Variants in ETF1 observed in about 807,000 individuals in gnomAD.
The protein encoded by ETF1 is eukaryotic peptide chain release factor subunit 1.
In ETF1, 4 loss-of-function variants were observed where a neutral mutation model predicts 55.1. That is an observed-to-expected ratio of 0.07 (90% CI 0.04 to 0.17). The LOEUF (loss-of-function observed/expected upper bound fraction) is 0.17, where lower values mean the gene tolerates loss of function less well. Among genes scored for constraint, ETF1 ranks in the 10% least tolerant of loss-of-function variants. The pLI is 1.00. For missense variants in ETF1, 142 were observed against 523.6 expected, an observed-to-expected ratio of 0.27 and a Z score of 7.11; for synonymous variants, 157 against 182.3, an observed-to-expected ratio of 0.86 and a Z score of 1.12.
At chr5:138,535,216 C>T (rs1366117063) in intron 2 of ETF1, among the ~76,000 whole-genome samples, 1 of 151,994 alleles carries the variant, frequency 6.6e-6, no homozygotes, top group Non-Finnish European at 1.5e-5. Flanking sequence ...TCCCAAAGTA[C>T]TGGGATTACA....
At chr5:138,510,686 A>G in intron 8 of ETF1, 57 bp from the exon 9 acceptor site, 3 of 1,596,946 alleles carry the variant, frequency 1.9e-6, no homozygotes, top group Non-Finnish European at 1.7e-6. Context: ...TAATCTGTGT[A>G]AGCTCCATAA....
At chr5:138,533,087 G>A (rs939728498) in intron 2 of ETF1, among the ~76,000 whole-genome samples, 4 of 151,826 alleles carry the variant, frequency 2.6e-5, no homozygotes, top group African/African-American at 7.3e-5. Context: ...TTACAGACAC[G>A]GACCACCACG....
rs1239574003 is a variant in ETF1, at chr5:138,509,836, AGT to A, written c.1083+727_1083+728del. On this transcript the variant is annotated intron_variant, in intron 9 of 10. Coordinates refer to ENST00000360541, the MANE Select transcript of ETF1 (RefSeq NM_004730.4). ...CTTGAACTCGGGAGGTGGAGGTTGC[AGT>A]GAGCCGAGATCACACCACTGCACTC... is the stretch of plus-strand genomic sequence containing the variant. Among the ~76,000 whole-genome samples the A allele has an allele frequency of 2.1e-5, 3 of 141,170 alleles. No homozygotes were observed. In the Admixed American group the frequency reaches 2.3e-4, roughly 11 times the overall value. 92.6% of individuals were successfully genotyped at this position (141,170 alleles called of 152,430 possible).
chr5:138,531,696 T>C lies in ETF1; in HGVS notation c.86+11137A>G, dbSNP rs1018404638. Reference sequence around the variant, plus strand: ...GCCTAGGCTATGGATGGCCAAATTTTTCACCACTTCCCTTTTCAAGCTCCC... The same window carrying C: ...GCCTAGGCTATGGATGGCCAAATTTCTCACCACTTCCCTTTTCAAGCTCCC... On this transcript the variant is annotated intron_variant, in intron 2 of 10. Transcript: ENST00000360541. Among the ~76,000 whole-genome samples, 5 of 152,182 alleles carry C rather than the reference T, an allele frequency of 3.3e-5. No individual in the cohort carries two copies. In the East Asian group the frequency reaches 9.6e-4, roughly 29 times the overall value.
intron 2 of ETF1, among the ~76,000 whole-genome samples, chr5:138,540,309 C>T (rs1421662011): frequency 6.6e-6 from 1 of 152,162 alleles, no homozygotes; most frequent in Non-Finnish European, 1.5e-5. Flanking sequence ...ATAACCATGC[C>T]TGAAAACCTC....
chr5:138,512,259 T>TATA lies in ETF1; in HGVS notation c.732+504_732+505insTAT, dbSNP rs57032066. 8.6e-3 allele frequency among the ~76,000 whole-genome samples: 136 copies of TATA among 15,746 alleles called. 1 individual carries two copies. Among genetic ancestry groups the TATA allele is most frequent in the South Asian group, 0.039 (7 of 180 alleles). The allele number at this position is 15,746 out of a possible 152,430, so 10.3% of individuals were successfully genotyped here. ...ATATATATATATATATATATATATA[T>TATA]TTTTTTTTTTTTTTAAAGGCAATTT... On this transcript the variant is annotated intron_variant, in intron 6 of 10. Coordinates refer to ENST00000360541, the MANE Select transcript of ETF1 (RefSeq NM_004730.4).
At chr5:138,531,128 T>A (rs534316886) in intron 2 of ETF1, among the ~76,000 whole-genome samples, 45 of 152,346 alleles carry the variant, frequency 3.0e-4, no homozygotes, top group Admixed American at 2.4e-3. Flanking sequence ...TGTGTTTAGG[T>A]TATGAGGGCT....
chr5:138,532,190 T>C (rs1232338457), intron 2 of ETF1, among the ~76,000 whole-genome samples: 1 of 151,930 alleles, frequency 6.6e-6, no homozygotes, highest in Non-Finnish European at 1.5e-5. Flanking sequence ...AAAACTGTCA[T>C]TGTTTTATTC....
chr5:138,511,362 C>A, intron 7 of ETF1, 113 bp downstream of exon 7: 1 of 1,507,160 alleles, frequency 6.6e-7, no homozygotes, highest in Non-Finnish European at 8.9e-7. Context: ...TTTTTGGTAC[C>A]TTGTCTCATA....
chr5:138,542,540 C>G, intron 2 of ETF1: 5 of 1,103,822 alleles, frequency 4.5e-6, no homozygotes, highest in Non-Finnish European at 6.0e-6. Flanking sequence ...AGAGGGAGGA[C>G]CTGGACTTAA....
chr5:138,541,613 A>C (rs1680053458), intron 2 of ETF1: 1 of 1,529,564 alleles, frequency 6.5e-7, no homozygotes, highest in Admixed American at 2.0e-5. Context: ...AAAATTGCAA[A>C]TCTACCCATA....
chr5:138,529,294 CCA>C (rs1451521678), intron 2 of ETF1, among the ~76,000 whole-genome samples: 2 of 152,118 alleles, frequency 1.3e-5, no homozygotes, highest in Admixed American at 1.3e-4. Flanking sequence ...GTGTAAACAC[CCA>C]AAATAAAATT....
intron 2 of ETF1, among the ~76,000 whole-genome samples, chr5:138,520,077 A>G (rs1203674578): frequency 6.9e-6 from 1 of 144,314 alleles, no homozygotes; most frequent in African/African-American, 2.6e-5. Context: ...CTAGCAAAAG[A>G]AAAGAACTAA....
At chr5:138,536,986 T>C (rs940498913) in intron 2 of ETF1, among the ~76,000 whole-genome samples, 14 of 152,134 alleles carry the variant, frequency 9.2e-5, no homozygotes, top group African/African-American at 3.4e-4. Context: ...AAGCCTTCCT[T>C]CCCTGGAAGC....
At chr5:138,528,017 C>T (rs1460281880) in intron 2 of ETF1, among the ~76,000 whole-genome samples, 4 of 152,266 alleles carry the variant, frequency 2.6e-5, no homozygotes, top group African/African-American at 9.6e-5. Flanking sequence ...GGTGATCCGC[C>T]CGCCTCAGCC....
chr5:138,540,425 T>C (rs1766124927), intron 2 of ETF1, among the ~76,000 whole-genome samples: 1 of 152,192 alleles, frequency 6.6e-6, no homozygotes, highest in African/African-American at 2.4e-5. Context: ...CTAAAGATAT[T>C]TTATCACTAG....
chr5:138,542,041 T>G (rs1766200756), intron 2 of ETF1, among the ~76,000 whole-genome samples: 1 of 152,202 alleles, frequency 6.6e-6, no homozygotes. Context: ...CAGGCGCCTC[T>G]CTACAGCGAT....
chr5:138,533,058 G>C (rs1765770079), intron 2 of ETF1, among the ~76,000 whole-genome samples: 1 of 151,790 alleles, frequency 6.6e-6, no homozygotes, highest in African/African-American at 2.4e-5. Flanking sequence ...TCTTGCCTCA[G>C]CCTCCCAAGT....
chr5:138,516,377 C>T (rs1355750917), intron 4 of ETF1, among the ~76,000 whole-genome samples: 1 of 151,910 alleles, frequency 6.6e-6, no homozygotes, highest in Non-Finnish European at 1.5e-5. Context: ...TCAAAACACA[C>T]ACACACACAC....
Sources: gnomAD v4.1 joint callset for allele counts (sites outside exome capture counted in the v4.1 genomes callset) on GRCh38, gnomAD v4.1.1 for gene constraint, MANE v1.5 for transcripts, NCBI Gene and HGNC (gene_info 2026-07-23, HGNC 2026-07-21) for gene names.